IL1RAPL2: variants seen among roughly 807,000 people sequenced by gnomAD.
IL1RAPL2 encodes the protein interleukin 1 receptor accessory protein like 2.
Under a neutral mutation model 44.1 loss-of-function variants are expected in IL1RAPL2, and 3 were observed. The observed-to-expected ratio is 0.07, with a 90% CI of 0.03 to 0.18. The LOEUF is 0.18. IL1RAPL2 is among the 10% of genes least tolerant of loss of function. The pLI, the probability that IL1RAPL2 is intolerant of heterozygous loss-of-function variation, is 1.00. For missense variants in IL1RAPL2, 391 were observed against 496.4 expected, an observed-to-expected ratio of 0.79 and a Z score of 2.02; for synonymous variants, 181 against 178.8, an observed-to-expected ratio of 1.01 and a Z score of -0.10.
chrX:104,646,241 AG>A, intron 1 of IL1RAPL2, among the ~76,000 whole-genome samples: 1 of 110,594 alleles, frequency 9.0e-6, no homozygotes, highest in Admixed American at 9.6e-5. Context: ...ATAAATCTAT[AG>A]GTTTAGGATA....
rs1312122712 is a variant in IL1RAPL2, at chrX:105,742,699, A to G, written c.1048+2008A>G. 3.7e-4 allele frequency among the ~76,000 whole-genome samples: 41 copies of G among 111,046 alleles called. No homozygotes were observed. The Admixed American group carries it at 4.0e-3, about 11-fold the overall frequency. On this transcript the variant is annotated intron_variant, in intron 8 of 10. Transcript: ENST00000372582. ...CTCATTCAGTAGGTGATTTCATTCT[A>G]TCTCCATCTCATGGTTTTGCTTACC...
intron 5 of IL1RAPL2, among the ~76,000 whole-genome samples, chrX:105,344,663 T>C (rs1180062303): frequency 9.0e-6 from 1 of 111,637 alleles, no homozygotes; most frequent in African/African-American, 3.3e-5. Flanking sequence ...TACTTAAGAA[T>C]TGAAGTGATT....
chrX:105,058,331 A>C (rs999095458), intron 2 of IL1RAPL2, among the ~76,000 whole-genome samples: 30 of 111,444 alleles, frequency 2.7e-4, no homozygotes, highest in African/African-American at 9.5e-4. Context: ...GGTGATCCAC[A>C]TGCCTCAACC....
intron 5 of IL1RAPL2, chrX:105,407,102 T>C (rs2035651452): frequency 1.8e-6 from 1 of 553,095 alleles, no homozygotes; most frequent in Non-Finnish European, 3.1e-6. Flanking sequence ...CTTATCACTT[T>C]TCTTTCTCCA....
chrX:105,192,027 T>C (rs1193106812), intron 2 of IL1RAPL2, among the ~76,000 whole-genome samples: 2 of 112,093 alleles, frequency 1.8e-5, no homozygotes, highest in Non-Finnish European at 3.8e-5. Flanking sequence ...GGATACCTCC[T>C]GTGGATTGCA....
intron 5 of IL1RAPL2, among the ~76,000 whole-genome samples, chrX:105,375,409 G>C (rs2147720097): frequency 9.0e-6 from 1 of 111,660 alleles, no homozygotes; most frequent in Non-Finnish European, 1.9e-5. Context: ...TGCTCAGGAG[G>C]CTGAGGCAGG....
intron 2 of IL1RAPL2, among the ~76,000 whole-genome samples, chrX:105,188,211 G>A (rs1349388446): frequency 1.1e-4 from 12 of 110,838 alleles, no homozygotes; most frequent in Non-Finnish European, 2.3e-4. Context: ...ACACTTTTTG[G>A]CTTGGATGAC....
chrX:105,694,190 C>A (rs1365207536), intron 6 of IL1RAPL2, among the ~76,000 whole-genome samples: 1 of 111,447 alleles, frequency 9.0e-6, no homozygotes, highest in Non-Finnish European at 1.9e-5. Flanking sequence ...GTCATAAGGC[C>A]AGCCCAGATT....
intron 5 of IL1RAPL2, among the ~76,000 whole-genome samples, chrX:105,284,612 C>T (rs2034557141): frequency 8.9e-6 from 1 of 111,920 alleles, no homozygotes; most frequent in South Asian, 3.7e-4. Flanking sequence ...AGTTGGCTCT[C>T]AATAAATGAT....
intron 5 of IL1RAPL2, chrX:105,406,394 A>G: frequency 9.3e-7 from 1 of 1,073,171 alleles, no homozygotes; most frequent in Non-Finnish European, 1.3e-6. Context: ...AGAAGAAGCA[A>G]GATTTTTTGG....
chrX:104,862,135 G>A (rs746649829), intron 2 of IL1RAPL2, among the ~76,000 whole-genome samples: 2 of 111,187 alleles, frequency 1.8e-5, no homozygotes, highest in Non-Finnish European at 3.8e-5. Context: ...AGAAGTCTTA[G>A]GAGAAGTAAA....
In IL1RAPL2 at chrX:105,291,528, G is replaced by C. The variant is rs780945795; in HGVS notation, c.697+23987G>C. On this transcript the variant is annotated intron_variant, in intron 5 of 10. Transcript: ENST00000372582. ...TAAGAATTATTGATGAAGTCACTTA[G>C]CTTTATTAAGGAAGTGAAAAGAAAA... Among the ~76,000 whole-genome samples, 5 of 111,743 alleles carry C rather than the reference G, an allele frequency of 4.5e-5. No individual in the cohort carries two copies. In the Admixed American group the frequency reaches 4.8e-4, roughly 11 times the overall value.
intron 5 of IL1RAPL2, among the ~76,000 whole-genome samples, chrX:105,480,148 T>C (rs2036224725): frequency 8.9e-6 from 1 of 112,268 alleles, no homozygotes. Flanking sequence ...GTCATAACAG[T>C]AGGTAACACT....
chrX:104,660,259 A>G (rs143001739), intron 2 of IL1RAPL2, among the ~76,000 whole-genome samples: 3,103 of 110,818 alleles, frequency 0.028, 125 homozygotes, highest in African/African-American at 0.096. Flanking sequence ...TTTACTTTCA[A>G]TCTTGGTTCA....
At chrX:105,395,133 A>G (rs2035552698) in intron 5 of IL1RAPL2, among the ~76,000 whole-genome samples, 1 of 111,548 alleles carries the variant, frequency 9.0e-6, no homozygotes, top group Middle Eastern at 4.6e-3. Flanking sequence ...TTAGCCAAGT[A>G]GTATAGAGAC....
At chrX:104,661,779 A>T (rs1307839298) in intron 2 of IL1RAPL2, among the ~76,000 whole-genome samples, 2 of 111,790 alleles carry the variant, frequency 1.8e-5, no homozygotes, top group Non-Finnish European at 3.8e-5. Context: ...AATCAAAGAG[A>T]TCCAGGTTTA....
At chrX:105,515,435 C>T (rs1182567193) in intron 6 of IL1RAPL2, among the ~76,000 whole-genome samples, 1 of 111,685 alleles carries the variant, frequency 9.0e-6, no homozygotes, top group Non-Finnish European at 1.9e-5. Flanking sequence ...AATTTCCCAG[C>T]TTCACCATTG....
intron 2 of IL1RAPL2, among the ~76,000 whole-genome samples, chrX:104,871,909 G>T (rs996644605): frequency 7.2e-5 from 8 of 111,662 alleles, no homozygotes; most frequent in Admixed American, 9.6e-5. Flanking sequence ...TTCCTTAAGT[G>T]CAGAGATCAT....
chrX:104,786,254 C>T (rs1932797455), intron 2 of IL1RAPL2, among the ~76,000 whole-genome samples: 1 of 111,382 alleles, frequency 9.0e-6, no homozygotes, highest in Non-Finnish European at 1.9e-5. Flanking sequence ...TTGGCATCCC[C>T]GGATTTTGGC....
Sources: gnomAD v4.1 joint callset for allele counts (sites outside exome capture counted in the v4.1 genomes callset) on GRCh38, gnomAD v4.1.1 for gene constraint, MANE v1.5 for transcripts, NCBI Gene and HGNC (gene_info 2026-07-23, HGNC 2026-07-21) for gene names.